NDRG3: variants seen among roughly 807,000 people sequenced by gnomAD.
NDRG3 encodes the protein NDRG family member 3.
Under a neutral mutation model 57.2 loss-of-function variants are expected in NDRG3, and 23 were observed. The ratio of observed to expected loss-of-function variants is 0.40; its 90% confidence interval spans 0.29 to 0.57. NDRG3 has a LOEUF of 0.57. NDRG3 is among the 20% of genes least tolerant of loss of function. The pLI is 0.42. For synonymous variants in NDRG3, 132 were observed against 162.6 expected, an observed-to-expected ratio of 0.81 and a Z score of 1.43; for missense variants, 384 against 457.3, an observed-to-expected ratio of 0.84 and a Z score of 1.46.
In NDRG3 at chr20:36,660,222, G is replaced by T. The variant is rs988122094; in HGVS notation, c.858+115C>A. On this transcript the variant is annotated intron_variant, in intron 13 of 15. Transcript: ENST00000349004. Reference sequence around the variant, plus strand: ...GACTCTGTCTCAAAGAAAAAGAAGAGAATGAGATAACCAAAGAGAGGGAAG... The same window carrying T: ...GACTCTGTCTCAAAGAAAAAGAAGATAATGAGATAACCAAAGAGAGGGAAG... The T allele has an allele frequency of 8.8e-5, 73 of 833,880 alleles. 2 individuals carry two copies. In the South Asian group the frequency reaches 1.1e-3, roughly 12 times the overall value. 51.7% of individuals were successfully genotyped at this position (833,880 alleles called of 1,614,324 possible). A position where few individuals can be genotyped will look rare whatever the true frequency, so the allele number is the denominator to read the frequency against.
At chr20:36,656,132 C>CAAA (rs1180409064) in intron 15 of NDRG3, among the ~76,000 whole-genome samples, 55 of 48,810 alleles carry the variant, frequency 1.1e-3, no homozygotes, top group South Asian at 1.4e-3. Flanking sequence ...GACTCTGTCT[C>CAAA]AAAAAAAAAA....
At chr20:36,693,048 C>A (rs6071916) in intron 3 of NDRG3, among the ~76,000 whole-genome samples, 1 of 113,004 alleles carries the variant, frequency 8.8e-6, no homozygotes, top group South Asian at 3.1e-4. Context: ...GTACTCCAGC[C>A]GGGGTGACAG....
At chr20:36,737,963 C>G (rs1358719592) in intron 1 of NDRG3, among the ~76,000 whole-genome samples, 1 of 151,084 alleles carries the variant, frequency 6.6e-6, no homozygotes, top group African/African-American at 2.4e-5. Flanking sequence ...ACTCAGGAGG[C>G]TGAGGCATGA....
At chr20:36,684,747 G>T (rs1981635044) in intron 5 of NDRG3, among the ~76,000 whole-genome samples, 1 of 152,102 alleles carries the variant, frequency 6.6e-6, no homozygotes, top group South Asian at 2.1e-4. Flanking sequence ...AACTTGGGAG[G>T]CTGAGGCAGG....
In NDRG3 at chr20:36,739,166, A is replaced by AT. The variant is rs1157120131; in HGVS notation, c.-49+6878_-49+6879insA. The stretch of plus-strand genomic sequence containing the variant: ...AAAAAAAAAAAAAAAAAAAAAAAAA[A>AT]GGCCAGGCACAGTGGCTCATGCCTG... On this transcript the variant is annotated intron_variant, in intron 1 of 15. Coordinates refer to ENST00000349004, the MANE Select transcript of NDRG3 (RefSeq NM_032013.4). Among the ~76,000 whole-genome samples the AT allele has an allele frequency of 7.1e-4, 83 of 116,466 alleles. 1 individual carries two copies. Among genetic ancestry groups the AT allele is most frequent in the African/African-American group, 2.9e-3 (77 of 26,578 alleles). 76.4% of individuals were successfully genotyped at this position (116,466 alleles called of 152,430 possible).
intron 3 of NDRG3, among the ~76,000 whole-genome samples, chr20:36,692,018 G>A (rs1360758953): frequency 6.6e-6 from 1 of 152,070 alleles, no homozygotes; most frequent in African/African-American, 2.4e-5. Flanking sequence ...GCTTGTGATA[G>A]GTGCTATAAA....
chr20:36,662,739 C>T (rs1184420010), intron 12 of NDRG3, among the ~76,000 whole-genome samples: 1 of 152,150 alleles, frequency 6.6e-6, no homozygotes, highest in Non-Finnish European at 1.5e-5. Context: ...AATGCTCTGG[C>T]AGGGGAACTA....
At chr20:36,710,518 G>T (rs1035798533) in intron 2 of NDRG3, among the ~76,000 whole-genome samples, 2 of 152,010 alleles carry the variant, frequency 1.3e-5, no homozygotes, top group Non-Finnish European at 2.9e-5. Context: ...TGTAATATAA[G>T]ATTTAAAGGG....
intron 2 of NDRG3, among the ~76,000 whole-genome samples, chr20:36,709,803 A>C (rs1339896593): frequency 6.6e-6 from 1 of 152,170 alleles, no homozygotes; most frequent in African/African-American, 2.4e-5. Flanking sequence ...CAAATATAGC[A>C]CAGGGCCTGG....
chr20:36,668,701 G>C (rs1979845753), intron 9 of NDRG3: 1 of 151,840 alleles, frequency 6.6e-6, no homozygotes, highest in Non-Finnish European at 1.5e-5. Context: ...GAACTCTTCA[G>C]TCTTATGACA....
At chr20:36,655,152 C>A (rs1021153758) in intron 15 of NDRG3, among the ~76,000 whole-genome samples, 1 of 152,226 alleles carries the variant, frequency 6.6e-6, no homozygotes, top group South Asian at 2.1e-4. Context: ...CCTCCTGCTC[C>A]TCCCAGTGAG....
intron 3 of NDRG3, among the ~76,000 whole-genome samples, chr20:36,694,425 C>T (rs1165586069): frequency 6.6e-6 from 1 of 152,176 alleles, no homozygotes; most frequent in East Asian, 1.9e-4. Context: ...TTCTGCCAGG[C>T]TGTCTAATGT....
At chr20:36,689,590 T>C (rs923503058) in intron 3 of NDRG3, among the ~76,000 whole-genome samples, 14 of 152,088 alleles carry the variant, frequency 9.2e-5, no homozygotes, top group African/African-American at 3.1e-4. Context: ...TTCTGTGTCA[T>C]CCACACGTTA....
At chr20:36,719,452 G>A (rs1001923098) in intron 2 of NDRG3, among the ~76,000 whole-genome samples, 2 of 150,206 alleles carry the variant, frequency 1.3e-5, no homozygotes, top group African/African-American at 4.9e-5. Context: ...AAAGCCTGCA[G>A]CTTGCCAAGG....
intron 4 of NDRG3, 43 bp from the exon 5 acceptor site, chr20:36,687,655 C>A: frequency 6.3e-7 from 1 of 1,588,812 alleles, no homozygotes; most frequent in Non-Finnish European, 8.6e-7. Flanking sequence ...CTCTCCATAT[C>A]GCCCCAATTT....
At chr20:36,671,459 C>CA in intron 8 of NDRG3, 62 bp from the exon 9 acceptor site, 1 of 1,274,636 alleles carries the variant, frequency 7.8e-7, no homozygotes, top group Non-Finnish European at 1.1e-6. Context: ...TCAAGCTGCC[C>CA]AATTAAAATG....
At chr20:36,702,751 C>T (rs1423338800) in intron 3 of NDRG3, among the ~76,000 whole-genome samples, 1 of 151,030 alleles carries the variant, frequency 6.6e-6, no homozygotes, top group African/African-American at 2.4e-5. Context: ...TGCAATGGTG[C>T]GATCTCGGCT....
intron 11 of NDRG3, 69 bp downstream of exon 11, chr20:36,665,167 C>A: frequency 1.9e-6 from 3 of 1,605,238 alleles, no homozygotes; most frequent in Non-Finnish European, 2.6e-6. Context: ...CCAAATTAGT[C>A]TATGAAAGTC....
At chr20:36,728,878 T>C (rs868169830) in intron 1 of NDRG3, among the ~76,000 whole-genome samples, 1 of 152,152 alleles carries the variant, frequency 6.6e-6, no homozygotes, top group South Asian at 2.1e-4. Flanking sequence ...GGTGCCACCA[T>C]GCCCAGCTAA....
Sources: allele counts gnomAD v4.1 joint callset (sites outside exome capture counted in the v4.1 genomes callset), GRCh38; gene constraint gnomAD v4.1.1; transcripts MANE v1.5; gene names NCBI Gene and HGNC (gene_info 2026-07-23, HGNC 2026-07-21).